The following MEGF10 variants were observed in gnomAD, a reference collection of about 807,000 sequenced individuals.
The protein encoded by MEGF10 is multiple epidermal growth factor-like domains protein 10.
A neutral mutation model predicts 147.5 loss-of-function variants in MEGF10; 86 were observed. That is an observed-to-expected ratio of 0.58 (90% CI 0.49 to 0.70). MEGF10 has a LOEUF of 0.70. Ranked by LOEUF, MEGF10 falls within the 30% of genes least tolerant of loss-of-function variation. The probability of loss-of-function intolerance (pLI) is 0.00; values close to 1 mark genes in which losing one functional copy is unlikely to be tolerated. For missense variants in MEGF10, 1,329 were observed against 1,487.3 expected (o/e 0.89, Z 1.75); for synonymous variants, 478 against 525.5 (o/e 0.91, Z 1.24).
At chr5:127,236,594 T>G in the MEGF10 span, among the ~76,000 whole-genome samples, 6 of 152,192 alleles carry the variant, frequency 3.9e-5, no homozygotes, top group Non-Finnish European at 8.8e-5. Flanking sequence ...CAGAACTACT[T>G]CTATTTCCCA....
intron 2 of MEGF10, among the ~76,000 whole-genome samples, chr5:127,335,223 T>A (rs1158194017): frequency 6.6e-6 from 1 of 152,112 alleles, no homozygotes; most frequent in Non-Finnish European, 1.5e-5. Context: ...TGTTCTATAG[T>A]GATGTTTGAG....
Position 127,438,554 on chromosome 5 carries a change from C to T in MEGF10, c.2220C>T (p.Leu740=). The T allele has an allele frequency of 6.2e-7, 1 of 1,613,990 alleles. No individual in the cohort carries two copies. Among genetic ancestry groups the T allele is most frequent in the Non-Finnish European group, 8.5e-7 (1 of 1,179,910 alleles). ...ECKCTPGWTG[L]YCTQRCPLGF... ...AATGCACTCCTGGCTGGACAGGGCT[C>T]TACTGCACTCAGAGTAAGTGACAAG... is the stretch of plus-strand genomic sequence containing the variant. Residue 740 remains leucine (L), a synonymous_variant, in exon 17 of 25, where the codon CTC becomes CTT. Coordinates refer to ENST00000503335, the MANE Select transcript of MEGF10 (RefSeq NM_001256545.2).
At chr5:127,250,786 A>C in the MEGF10 span, among the ~76,000 whole-genome samples, 1 of 152,054 alleles carries the variant, frequency 6.6e-6, no homozygotes, top group East Asian at 1.9e-4. Context: ...ATCTGAAAAA[A>C]TTATTAGAAT....
the MEGF10 span, among the ~76,000 whole-genome samples, chr5:127,241,874 A>G: frequency 3.9e-5 from 6 of 152,086 alleles, no homozygotes; most frequent in African/African-American, 1.4e-4. Context: ...GAGGAGCCCA[A>G]AGGCTATAAT....
intron 4 of MEGF10, among the ~76,000 whole-genome samples, chr5:127,350,723 C>T (rs972735567): frequency 1.2e-4 from 19 of 152,016 alleles, no homozygotes; most frequent in African/African-American, 4.1e-4. Context: ...AAGTAAAACA[C>T]CTAGGCCACT....
At chr5:127,455,723 G>A (rs1561658377) in intron 24 of MEGF10, 116 bp downstream of exon 24, 8 of 767,930 alleles carry the variant, frequency 1.0e-5, no homozygotes, top group South Asian at 2.2e-5. Context: ...ATAATGGTCC[G>A]TATTTTATTT....
chr5:127,284,804 C>G, the MEGF10 span, among the ~76,000 whole-genome samples: 23 of 152,094 alleles, frequency 1.5e-4, no homozygotes, highest in African/African-American at 5.3e-4. Context: ...TGTAACTAAG[C>G]AAGCTTTTAA....
chr5:127,274,205 G>C, the MEGF10 span, among the ~76,000 whole-genome samples: 8 of 151,636 alleles, frequency 5.3e-5, no homozygotes, highest in Non-Finnish European at 7.4e-5. Flanking sequence ...AAAAAAGGTA[G>C]GGGCAGAAGA....
chr5:127,411,541 G>C (rs1691272614), intron 9 of MEGF10, among the ~76,000 whole-genome samples: 1 of 151,718 alleles, frequency 6.6e-6, no homozygotes, highest in South Asian at 2.1e-4. Flanking sequence ...AAAATATAGA[G>C]TTTGCACTCT....
intron 1 of MEGF10, among the ~76,000 whole-genome samples, chr5:127,312,091 C>T (rs1449250533): frequency 3.3e-5 from 5 of 152,194 alleles, no homozygotes; most frequent in African/African-American, 4.8e-5. Context: ...CACCTCGTCT[C>T]GCCTTGCTCC....
the MEGF10 span, among the ~76,000 whole-genome samples, chr5:127,279,247 G>A: frequency 1.3e-5 from 2 of 152,196 alleles, no homozygotes; most frequent in Admixed American, 6.5e-5. Flanking sequence ...AATTATTTGA[G>A]TTGGTGCTCC....
At chr5:127,377,078 TCTAGA>T (rs1298132187) in intron 5 of MEGF10, among the ~76,000 whole-genome samples, 12 of 152,196 alleles carry the variant, frequency 7.9e-5, no homozygotes, top group Non-Finnish European at 1.6e-4. Flanking sequence ...ATGGCACCCA[TCTAGA>T]CTTTCCTCAT....
chr5:127,284,592 G>A, the MEGF10 span, among the ~76,000 whole-genome samples: 963 of 152,168 alleles, frequency 6.3e-3, 9 homozygotes, highest in African/African-American at 0.022. Flanking sequence ...GGGATCATGG[G>A]CAAGATAATT....
At chr5:127,244,900 A>G in the MEGF10 span, among the ~76,000 whole-genome samples, 1 of 152,188 alleles carries the variant, frequency 6.6e-6, no homozygotes, top group Admixed American at 6.6e-5. Flanking sequence ...AAAGAATTTT[A>G]GAAATGTAAA....
At chr5:127,414,341 T>G (rs1764677568) in intron 9 of MEGF10, among the ~76,000 whole-genome samples, 2 of 152,002 alleles carry the variant, frequency 1.3e-5, no homozygotes, top group Non-Finnish European at 2.9e-5. Context: ...AGGCCTCTAT[T>G]TTCTCATTTA....
At chr5:127,374,997 G>A (rs1762974026) in intron 5 of MEGF10, among the ~76,000 whole-genome samples, 1 of 152,124 alleles carries the variant, frequency 6.6e-6, no homozygotes, top group Non-Finnish European at 1.5e-5. Context: ...TTTTCTGGTT[G>A]TTGACATTTG....
At chr5:127,384,231 T>C (rs1429746579) in intron 5 of MEGF10, among the ~76,000 whole-genome samples, 1 of 152,246 alleles carries the variant, frequency 6.6e-6, no homozygotes, top group African/African-American at 2.4e-5. Flanking sequence ...ATCTTAGCTA[T>C]GGTACATGTC....
chr5:127,431,857 G>T (rs1229743859), intron 13 of MEGF10, among the ~76,000 whole-genome samples: 1 of 152,120 alleles, frequency 6.6e-6, no homozygotes, highest in African/African-American at 2.4e-5. Context: ...GCCCAGTATA[G>T]GTGTGGATAT....
intron 1 of MEGF10, among the ~76,000 whole-genome samples, chr5:127,328,158 G>T (rs1224767195): frequency 6.6e-6 from 1 of 152,146 alleles, no homozygotes; most frequent in Non-Finnish European, 1.5e-5. Flanking sequence ...ATATTTGTGA[G>T]ATGTCTTCTC....
Sources: gnomAD v4.1 joint callset for allele counts (sites outside exome capture counted in the v4.1 genomes callset) on GRCh38, gnomAD v4.1.1 for gene constraint, MANE v1.5 for transcripts, NCBI Gene and HGNC (gene_info 2026-07-23, HGNC 2026-07-21) for gene names.